SLC38A10: variants seen among roughly 807,000 people sequenced by gnomAD.
SLC38A10 encodes solute carrier family 38 member 10.
SLC38A10 carries 53 observed loss-of-function variants against 81.0 expected under a neutral mutation model. That is an observed-to-expected ratio of 0.65 (90% CI 0.53 to 0.82). The LOEUF is 0.82. Ranked by LOEUF, SLC38A10 falls within the 40% of genes least tolerant of loss-of-function variation. SLC38A10 has a pLI of 0.00. For synonymous variants in SLC38A10, 665 were observed against 655.3 expected, an observed-to-expected ratio of 1.01 and a Z score of -0.23; for missense variants, 1,471 against 1,545.0, an observed-to-expected ratio of 0.95 and a Z score of 0.80.
intron 2 of SLC38A10, among the ~76,000 whole-genome samples, chr17:81,285,867 A>T (rs1256074719): frequency 6.6e-6 from 1 of 152,180 alleles, no homozygotes; most frequent in African/African-American, 2.4e-5. Context: ...TATTACTTTA[A>T]ACTACTTAGG....
chr17:81,282,300 G>C lies in SLC38A10; in HGVS notation c.390C>G (p.Phe130Leu). The C allele has an allele frequency of 1.9e-6, 3 of 1,613,086 alleles. No homozygotes were observed. The highest frequency in any genetic ancestry group is 2.5e-6 in the Non-Finnish European group (3 of 1,179,880). ...GGAGCACGATGCACAGCGACACGGC[G>C]AACAGCAGGAACATGCGGAAGGTGC... ...VGGTFRMFLLFAVSLCIVLPL... is the reference protein window; with the variant it reads ...VGGTFRMFLLLAVSLCIVLPL... Residue 130 changes from phenylalanine to leucine, a missense_variant, in exon 5 of 16, where the codon TTC becomes TTG. Coordinates refer to ENST00000374759, the MANE Select transcript of SLC38A10 (RefSeq NM_001037984.3).
intron 14 of SLC38A10, chr17:81,250,787 GACGGGGCTGCTGCT>G: frequency 1.0e-6 from 1 of 978,296 alleles, no homozygotes; most frequent in South Asian, 4.5e-5. Context: ...CAGGCTCACA[GACGGGGCTGCTGCT>G]ACCCAACTGC....
intron 10 of SLC38A10, 105 bp from the exon 11 acceptor site, chr17:81,260,499 G>T (rs1040922835): frequency 7.9e-6 from 11 of 1,387,852 alleles, no homozygotes; most frequent in Non-Finnish European, 1.1e-5. Context: ...GGTGAGGCAC[G>T]AGGAGAGTGG....
At chr17:81,260,153 G>A (rs1222560466) in intron 11 of SLC38A10, 85 bp downstream of exon 11, 22 of 1,478,986 alleles carry the variant, frequency 1.5e-5, no homozygotes, top group Non-Finnish European at 2.0e-5. Flanking sequence ...CCACTGAGCA[G>A]GTAAGCACAA....
intron 13 of SLC38A10, 21 bp from the exon 14 acceptor site, chr17:81,251,633 C>A: frequency 2.1e-6 from 3 of 1,458,814 alleles, no homozygotes; most frequent in Non-Finnish European, 2.7e-6. Context: ...GGTGAAGACT[C>A]AGAAGGTTTT....
In SLC38A10 at chr17:81,286,671, G is replaced by A. The variant is rs984647034; in HGVS notation, c.218-1776C>T. ...GCCAGGCTGGAGGTATCTGTGAGCG[G>A]CGAGCTCTGAGGGCGCGGCCTCCAT... On this transcript the variant is annotated intron_variant, in intron 2 of 15. Coordinates refer to ENST00000374759, the MANE Select transcript of SLC38A10 (RefSeq NM_001037984.3). This position sits in a 1 kb window ranked among gnomAD's most constrained non-coding sequence, Gnocchi z 6.0. 3.9e-5 allele frequency among the ~76,000 whole-genome samples: 6 copies of A among 152,298 alleles called. No individual in the cohort carries two copies. The highest frequency in any genetic ancestry group is 3.4e-3 in the Middle Eastern group (1 of 294).
chr17:81,272,704 G>T, intron 8 of SLC38A10, 77 bp from the exon 9 acceptor site: 2 of 1,034,096 alleles, frequency 1.9e-6, no homozygotes, highest in South Asian at 1.8e-5. Flanking sequence ...AGCCTGAAAG[G>T]GCTCTGCCAG....
chr17:81,277,632 C>T lies in SLC38A10; in HGVS notation c.627-499G>A, dbSNP rs1043820830. 6.6e-6 allele frequency among the ~76,000 whole-genome samples: 1 copy of T among 152,234 alleles called. No individual in the cohort carries two copies. The highest frequency in any genetic ancestry group is 1.5e-5 in the Non-Finnish European group (1 of 68,034). ...CGCGATTCCCCACTGCAGCCTCTCA[C>T]TTGTGTGATGAGAAAACTGGCTTCG... On this transcript the variant is annotated intron_variant, in intron 6 of 15. Transcript: ENST00000374759. The surrounding 1 kb of genome is among the most constrained non-coding windows in gnomAD (Gnocchi z 4.5).
At chr17:81,257,286 G>C (rs1243853956) in intron 11 of SLC38A10, among the ~76,000 whole-genome samples, 1 of 152,126 alleles carries the variant, frequency 6.6e-6, no homozygotes, top group Non-Finnish European at 1.5e-5. Context: ...AGTAGAGACA[G>C]GGTTTCACCA....
rs575643969 is a variant in SLC38A10 at position 81,246,345 on chromosome 17, C to G, written c.2571G>C (p.Gln857His). The G allele has an allele frequency of 6.2e-7, 1 of 1,606,782 alleles. No individual in the cohort carries two copies. The highest frequency in any genetic ancestry group is 8.5e-7 in the Non-Finnish European group (1 of 1,179,180). The change falls in exon 16 of 16, where the codon CAG becomes CAC. Residue 857 changes from glutamine to histidine, a missense_variant. Physicochemically the swap from Gln to His is conservative, Grantham distance 24 (BLOSUM62 0). Transcript: ENST00000374759. ...CCCTGGCGGGGTCTGGCACGGGCAC[C>G]TGCTCCGGGCCCTTGGGGAGCTCCT... The part of the protein sequence containing the change: ...TVKELPKGPE[Q>H]VPVPDPAREA...
intron 4 of SLC38A10, 102 bp from the exon 5 acceptor site, chr17:81,282,434 A>G (rs1178419934): frequency 2.7e-6 from 4 of 1,473,656 alleles, no homozygotes; most frequent in Non-Finnish European, 3.7e-6. Context: ...CCGAAAGCCG[A>G]CGGCATCCAG....
chr17:81,272,390 T>A, intron 9 of SLC38A10, 126 bp downstream of exon 9: 1 of 509,040 alleles, frequency 2.0e-6, no homozygotes. Flanking sequence ...ACTGACAAAG[T>A]CTCTAGACTT....
chr17:81,287,740 G>A (rs866652177), intron 2 of SLC38A10, among the ~76,000 whole-genome samples: 2 of 152,228 alleles, frequency 1.3e-5, no homozygotes, highest in South Asian at 2.1e-4. Context: ...TCCTTCACAT[G>A]TAGCCAAACT....
intron 11 of SLC38A10, among the ~76,000 whole-genome samples, chr17:81,256,632 C>T (rs557664396): frequency 5.5e-4 from 84 of 152,350 alleles, no homozygotes; most frequent in Admixed American, 5.3e-3. Flanking sequence ...GATCCCAGGG[C>T]GCCACACTCG....
Position 81,276,228 on chromosome 17 carries a change from T to C in SLC38A10, c.730-77A>G. 2 of 1,393,962 alleles carry C rather than the reference T, an allele frequency of 1.4e-6. No homozygotes were observed. Among genetic ancestry groups the C allele is most frequent in the Non-Finnish European group, 1.9e-6 (2 of 1,028,926 alleles). The allele number at this position is 1,393,962 out of a possible 1,614,324, so 86.3% of individuals were successfully genotyped here. On this transcript the variant is annotated intron_variant, in intron 7 of 15. Transcript: ENST00000374759. The surrounding 1 kb of genome is among the most constrained non-coding windows in gnomAD (Gnocchi z 4.7). Reference sequence around the variant, plus strand: ...GGCACCTGTCACAGTGGGCAGGGCATGGGGGGGACCTGTGCCCTGCCCCCC... The same window carrying C: ...GGCACCTGTCACAGTGGGCAGGGCACGGGGGGGACCTGTGCCCTGCCCCCC...
intron 1 of SLC38A10, among the ~76,000 whole-genome samples, chr17:81,293,170 CAAAGAT>C (rs1208183046): frequency 6.6e-6 from 1 of 152,170 alleles, no homozygotes; most frequent in East Asian, 1.9e-4. Flanking sequence ...CTTGAAAAAA[CAAAGAT>C]AACAGTCTTT....
chr17:81,245,897 C>T lies in SLC38A10; in HGVS notation c.3019G>A (p.Ala1007Thr), dbSNP rs373910928. The T allele has an allele frequency of 6.8e-6, 11 of 1,611,894 alleles. No homozygotes were observed. The African/African-American group carries it at 1.1e-4, about 16-fold the overall frequency. Residue 1007 changes from alanine to threonine, a missense_variant, in exon 16 of 16, where the codon GCT (alanine) becomes ACT (threonine). Physicochemically the swap from Ala to Thr is moderately conservative, Grantham distance 58. Transcript: ENST00000374759. ...SHEQPRGGED[A>T]AVQEPRQRPE... Reference sequence around the variant, plus strand: ...CTCTGCCTGGGCTCCTGGACAGCAGCGTCCTCCCCGCCTCTCGGCTGCTCG... The same window carrying T: ...CTCTGCCTGGGCTCCTGGACAGCAGTGTCCTCCCCGCCTCTCGGCTGCTCG...
intron 14 of SLC38A10, chr17:81,251,290 G>C (rs925942763): frequency 6.2e-7 from 1 of 1,610,776 alleles, no homozygotes; most frequent in Non-Finnish European, 8.5e-7. Context: ...AGGGGAGTAA[G>C]GCAGATAAAA....
At chr17:81,275,731 C>CAAAA (rs747992770) in intron 8 of SLC38A10, among the ~76,000 whole-genome samples, 11 of 108,190 alleles carry the variant, frequency 1.0e-4, no homozygotes, top group African/African-American at 5.2e-4. Flanking sequence ...AACTCCGTCT[C>CAAAA]AAAAAAAAAG....
Sources: allele counts gnomAD v4.1 joint callset (sites outside exome capture counted in the v4.1 genomes callset), GRCh38; gene constraint gnomAD v4.1.1; non-coding constraint Gnocchi (gnomAD v3.1); transcripts MANE v1.5; gene names NCBI Gene and HGNC (gene_info 2026-07-23, HGNC 2026-07-21).